MAGI2: variants seen among roughly 807,000 people sequenced by gnomAD.
MAGI2 encodes membrane associated guanylate kinase, WW and PDZ domain containing 2.
Under a neutral mutation model 133.3 loss-of-function variants are expected in MAGI2, and 35 were observed. The ratio of observed to expected loss-of-function variants is 0.26; its 90% CI spans 0.20 to 0.35. MAGI2 has a LOEUF of 0.35. MAGI2 is among the 10% of genes least tolerant of loss of function. MAGI2 has a pLI of 1.00. For missense variants in MAGI2, 1,636 were observed against 1,863.4 expected, an observed-to-expected ratio of 0.88 and a Z score of 2.25; for synonymous variants, 729 against 710.6, an observed-to-expected ratio of 1.03 and a Z score of -0.41.
intron 1 of MAGI2, among the ~76,000 whole-genome samples, chr7:79,026,076 T>G (rs2116745123): frequency 6.6e-6 from 1 of 152,334 alleles, no homozygotes; most frequent in South Asian, 2.1e-4. Flanking sequence ...AGTCTATCAG[T>G]TAAAATTTCC....
intron 9 of MAGI2, among the ~76,000 whole-genome samples, chr7:78,328,283 A>G (rs1049676251): frequency 5.9e-5 from 9 of 152,142 alleles, no homozygotes; most frequent in African/African-American, 2.2e-4. Flanking sequence ...AAACAATTCC[A>G]TATCTTTTAC....
At chr7:78,764,131 T>C (rs1017640364) in intron 2 of MAGI2, among the ~76,000 whole-genome samples, 2 of 152,202 alleles carry the variant, frequency 1.3e-5, no homozygotes, top group Non-Finnish European at 2.9e-5. Context: ...TAAAAAGTGT[T>C]AGGCTGACTG....
intron 3 of MAGI2, among the ~76,000 whole-genome samples, chr7:78,536,103 C>CTTTTTTTTTTTTTTTTTTTTTTT (rs544655465): frequency 6.7e-5 from 4 of 59,924 alleles, no homozygotes; most frequent in Non-Finnish European, 8.5e-5. Flanking sequence ...ATGAATTAAA[C>CTTTTTTTTTTTTTTTTTTTTTTT]TTTTTTTTTT....
chr7:78,191,454 G>T (rs931359705), intron 12 of MAGI2, among the ~76,000 whole-genome samples: 2 of 152,210 alleles, frequency 1.3e-5, no homozygotes, highest in Admixed American at 6.5e-5. Context: ...TCTATGTGTT[G>T]TGTGTTTGTT....
intron 1 of MAGI2, among the ~76,000 whole-genome samples, chr7:79,378,956 ATATATATATATATATT>A (rs1843583303): frequency 1.2e-5 from 1 of 84,416 alleles, no homozygotes; most frequent in Non-Finnish European, 2.6e-5. Context: ...ATATATATAT[ATATATATATATATATT>A]AAACTTTAAG....
intron 10 of MAGI2, among the ~76,000 whole-genome samples, chr7:78,206,250 A>C (rs999147708): frequency 3.3e-5 from 5 of 151,814 alleles, no homozygotes; most frequent in African/African-American, 1.2e-4. Context: ...GATATCGTCA[A>C]TTTGGCATAA....
In MAGI2 at chr7:78,627,217, C is replaced by G; in HGVS notation, c.441G>C (p.Glu147Asp). Reference sequence around the variant, plus strand: ...TATAATCCACTCCAGGGACCTCACCCTCCTTATGTGGCCTTGTGGTGCCTG... The same window carrying G: ...TATAATCCACTCCAGGGACCTCACCGTCCTTATGTGGCCTTGTGGTGCCTG... The part of the protein sequence containing the change: ...TVPCTTRPHK[E>D]GEVPGVDYIF... Residue 147 changes from glutamate to aspartate, a missense_variant, in exon 3 of 22, where the codon GAG (glutamate) becomes GAC (aspartate). Glu to Asp is a conservative substitution (Grantham distance 45, BLOSUM62 2). Transcript: ENST00000354212. 1 of 1,577,248 alleles carries G rather than the reference C, an allele frequency of 6.3e-7. No homozygotes were observed. Among genetic ancestry groups the G allele is most frequent in the East Asian group, 2.4e-5 (1 of 42,070 alleles).
intron 1 of MAGI2, among the ~76,000 whole-genome samples, chr7:79,069,367 C>G (rs910753329): frequency 2.6e-5 from 4 of 152,134 alleles, no homozygotes; most frequent in African/African-American, 9.7e-5. Context: ...CCTTCTTTGT[C>G]TCTTGGATCT....
At chr7:78,160,884 A>G (rs1307767591) in intron 15 of MAGI2, among the ~76,000 whole-genome samples, 1 of 152,246 alleles carries the variant, frequency 6.6e-6, no homozygotes, top group Non-Finnish European at 1.5e-5. Context: ...TCTATTTTAT[A>G]ATATTCTGCT....
At chr7:78,838,911 T>C (rs185482125) in intron 2 of MAGI2, among the ~76,000 whole-genome samples, 169 of 152,252 alleles carry the variant, frequency 1.1e-3, no homozygotes, top group African/African-American at 3.7e-3. Context: ...ACACTTAATG[T>C]AAACACCATG....
intron 1 of MAGI2, among the ~76,000 whole-genome samples, chr7:79,313,898 G>T (rs888828261): frequency 7.9e-5 from 12 of 151,172 alleles, no homozygotes; most frequent in African/African-American, 2.2e-4. Context: ...CACCTCCTGG[G>T]TTCAAGTGAT....
At chr7:79,089,908 T>C (rs1278444592) in intron 1 of MAGI2, among the ~76,000 whole-genome samples, 1 of 151,982 alleles carries the variant, frequency 6.6e-6, no homozygotes, top group African/African-American at 2.4e-5. Flanking sequence ...TGGGTTGATG[T>C]GTGCAGGAAA....
intron 6 of MAGI2, among the ~76,000 whole-genome samples, chr7:78,442,261 C>A (rs1341249018): frequency 6.6e-6 from 1 of 152,190 alleles, no homozygotes; most frequent in African/African-American, 2.4e-5. Flanking sequence ...GCATTTGTTT[C>A]ACATACTTCC....
In MAGI2 at chr7:79,179,639, A is replaced by C. The variant is rs146041753; in HGVS notation, c.302-172433T>G. 1.7e-3 allele frequency among the ~76,000 whole-genome samples: 257 copies of C among 152,156 alleles called. 2 individuals are homozygous for C. Among genetic ancestry groups the C allele is most frequent in the African/African-American group, 5.7e-3 (238 of 41,446 alleles). On this transcript the variant is annotated intron_variant, in intron 1 of 21. Coordinates refer to ENST00000354212, the MANE Select transcript of MAGI2 (RefSeq NM_012301.4). ...AAATCTACATATTGATAGCCAACTG[A>C]TCTTTGGTAAAGCTGTCAAGAACAC...
intron 10 of MAGI2, among the ~76,000 whole-genome samples, chr7:78,228,700 AAGTC>A (rs1789656530): frequency 6.6e-6 from 1 of 152,242 alleles, no homozygotes; most frequent in South Asian, 2.1e-4. Flanking sequence ...ATTTAACTAA[AAGTC>A]AGTAAAAGTA....
At chr7:79,184,417 A>G (rs1826886425) in intron 1 of MAGI2, among the ~76,000 whole-genome samples, 1 of 151,508 alleles carries the variant, frequency 6.6e-6, no homozygotes, top group East Asian at 1.9e-4. Context: ...ATTGAAATTA[A>G]AAATAAAAAT....
At chr7:78,074,545 T>G (rs1008825098) in intron 21 of MAGI2, among the ~76,000 whole-genome samples, 1 of 152,170 alleles carries the variant, frequency 6.6e-6, no homozygotes, top group Non-Finnish European at 1.5e-5. Flanking sequence ...TAGGAAAAAG[T>G]AGGATTATAT....
At chr7:78,339,274 T>C (rs1427129464) in intron 9 of MAGI2, among the ~76,000 whole-genome samples, 2 of 152,240 alleles carry the variant, frequency 1.3e-5, no homozygotes. Context: ...GTGAATAGAA[T>C]TAAATCTTTG....
intron 1 of MAGI2, among the ~76,000 whole-genome samples, chr7:79,420,725 T>C (rs1243985790): frequency 1.3e-5 from 2 of 151,976 alleles, no homozygotes; most frequent in Non-Finnish European, 2.9e-5. Context: ...GTGAAATTCA[T>C]GGTCCACTAA....
Sources: gnomAD v4.1 joint callset for allele counts (sites outside exome capture counted in the v4.1 genomes callset) on GRCh38, gnomAD v4.1.1 for gene constraint, MANE v1.5 for transcripts, NCBI Gene and HGNC (gene_info 2026-07-23, HGNC 2026-07-21) for gene names.